Variants in LSAMP observed in about 807,000 individuals in gnomAD.
LSAMP encodes the protein limbic system associated membrane protein.
Under a neutral mutation model 38.6 loss-of-function variants are expected in LSAMP, and 7 were observed. That is an observed-to-expected ratio of 0.18 (90% CI 0.10 to 0.34). LSAMP has a LOEUF of 0.34. Ranked by LOEUF, LSAMP falls within the 10% of genes least tolerant of loss-of-function variation. The probability of loss-of-function intolerance (pLI) is 1.00; values close to 1 mark genes in which losing one functional copy is unlikely to be tolerated. For synonymous variants in LSAMP, 154 were observed against 166.8 expected (o/e 0.92, Z 0.59); for missense variants, 313 against 420.0 (o/e 0.75, Z 2.23).
intron 1 of LSAMP, among the ~76,000 whole-genome samples, chr3:116,269,861 G>A (rs2107668561): frequency 6.6e-6 from 1 of 152,202 alleles, no homozygotes; most frequent in Middle Eastern, 3.4e-3. Context: ...CAAAGAAACT[G>A]CCCAAACATT....
chr3:116,252,139 C>A (rs1036596955), intron 1 of LSAMP, among the ~76,000 whole-genome samples: 1 of 152,146 alleles, frequency 6.6e-6, no homozygotes, highest in African/African-American at 2.4e-5. Flanking sequence ...CATGGGAGAC[C>A]AAGGGGTCCC....
At chr3:116,305,294 A>G (rs529883412) in intron 1 of LSAMP, among the ~76,000 whole-genome samples, 1 of 152,140 alleles carries the variant, frequency 6.6e-6, no homozygotes, top group Non-Finnish European at 1.5e-5. Flanking sequence ...AATAGAAATG[A>G]GCAAGAGGAC....
Position 116,085,969 on chromosome 3 carries a change from G to C in LSAMP, c.388+355C>G, listed in dbSNP as rs573823168. The stretch of plus-strand genomic sequence containing the variant: ...TTTCTTAAACTCAGCAAAGCATCTG[G>C]TACCTAACAGGGTGGAAAAGTGTAC... On this transcript the variant is annotated intron_variant, in intron 2 of 6. Transcript: ENST00000490035. Among the ~76,000 whole-genome samples, 5 of 152,322 alleles carry C rather than the reference G, an allele frequency of 3.3e-5. No homozygotes were observed. In the East Asian group the frequency reaches 9.6e-4, roughly 29 times the overall value.
chr3:115,943,270 C>A (rs546977509), intron 3 of LSAMP, among the ~76,000 whole-genome samples: 1 of 152,198 alleles, frequency 6.6e-6, no homozygotes, highest in African/African-American at 2.4e-5. Flanking sequence ...TGGGTCTATT[C>A]TCATGTCTCC....
At chr3:115,983,816 A>G (rs1939433267) in intron 3 of LSAMP, among the ~76,000 whole-genome samples, 1 of 152,228 alleles carries the variant, frequency 6.6e-6, no homozygotes, top group Non-Finnish European at 1.5e-5. Context: ...GAGAACAGGC[A>G]AGAGATGAGT....
At chr3:115,852,887 C>G (rs1935377934) in intron 3 of LSAMP, among the ~76,000 whole-genome samples, 1 of 152,164 alleles carries the variant, frequency 6.6e-6, no homozygotes, top group Admixed American at 6.5e-5. Context: ...CAATGCCAAG[C>G]TAAGTCCCAC....
At chr3:116,238,041 A>C (rs1289043581) in intron 1 of LSAMP, among the ~76,000 whole-genome samples, 1 of 152,072 alleles carries the variant, frequency 6.6e-6, no homozygotes, top group East Asian at 1.9e-4. Flanking sequence ...CCCTTCCTCC[A>C]CCCAGTTGTG....
At chr3:116,088,073 A>G (rs2107424967) in intron 1 of LSAMP, among the ~76,000 whole-genome samples, 1 of 151,900 alleles carries the variant, frequency 6.6e-6, no homozygotes, top group Non-Finnish European at 1.5e-5. Flanking sequence ...TAAAAAAAAA[A>G]TTAGAGATGG....
intron 1 of LSAMP, among the ~76,000 whole-genome samples, chr3:116,274,331 A>C (rs2047018657): frequency 2.0e-5 from 3 of 152,212 alleles, no homozygotes; most frequent in Admixed American, 6.5e-5. Context: ...AGAATAAGTA[A>C]ATGACGGGAG....
chr3:115,810,265 T>C lies in LSAMP; in HGVS notation c.*52A>G. The C allele has an allele frequency of 8.2e-7, 1 of 1,217,628 alleles. No homozygotes were observed. The highest frequency in any genetic ancestry group is 1.2e-6 in the Non-Finnish European group (1 of 850,604). The allele number at this position is 1,217,628 out of a possible 1,614,324, so 75.4% of individuals were successfully genotyped here. A position where few individuals can be genotyped will look rare whatever the true frequency, so the allele number is the denominator to read the frequency against. On this transcript the variant is annotated 3_prime_UTR_variant, in exon 7 of 7. Transcript: ENST00000490035. Reference sequence around the variant, plus strand: ...TCTCTGTCTCTCTCTCTCTGTATTCTGTGTGACGCATTTTTGTGTGTTTTT... The same window carrying C: ...TCTCTGTCTCTCTCTCTCTGTATTCCGTGTGACGCATTTTTGTGTGTTTTT...
chr3:116,312,962 C>T (rs1237777772), intron 1 of LSAMP, among the ~76,000 whole-genome samples: 4 of 152,102 alleles, frequency 2.6e-5, no homozygotes, highest in East Asian at 1.9e-4. Context: ...AATGTCATTC[C>T]TCACCTTATT....
chr3:115,830,772 G>T (rs1156824073), intron 6 of LSAMP, among the ~76,000 whole-genome samples: 1 of 152,136 alleles, frequency 6.6e-6, no homozygotes. Context: ...CATGGGATAT[G>T]TTCAAAATTT....
At chr3:116,116,858 G>C (rs960945763) in intron 1 of LSAMP, among the ~76,000 whole-genome samples, 29 of 152,082 alleles carry the variant, frequency 1.9e-4, no homozygotes, top group African/African-American at 6.5e-4. Flanking sequence ...AGGTTCTCTG[G>C]CCAACAGTCC....
At chr3:116,157,387 C>T (rs114822589) in intron 1 of LSAMP, among the ~76,000 whole-genome samples, 1,557 of 152,206 alleles carry the variant, frequency 0.01, 30 homozygotes, top group African/African-American at 0.036. Flanking sequence ...CTCCTATGTT[C>T]ATTACTTTCT....
intron 3 of LSAMP, among the ~76,000 whole-genome samples, chr3:115,967,674 A>T (rs980660164): frequency 6.6e-6 from 1 of 152,166 alleles, no homozygotes. Context: ...GAGGCCTCAC[A>T]ATCATGGTGG....
intron 1 of LSAMP, among the ~76,000 whole-genome samples, chr3:116,272,312 T>G (rs747550686): frequency 3.9e-5 from 6 of 152,108 alleles, no homozygotes; most frequent in Non-Finnish European, 7.4e-5. Context: ...AAAATAACAA[T>G]GGACAACAAA....
At chr3:115,924,815 C>T (rs575256437) in intron 3 of LSAMP, among the ~76,000 whole-genome samples, 11 of 152,252 alleles carry the variant, frequency 7.2e-5, no homozygotes, top group African/African-American at 2.4e-4. Context: ...AACTAAAGTC[C>T]TCCTAAACAT....
chr3:115,901,283 G>A (rs1205799554), intron 3 of LSAMP, among the ~76,000 whole-genome samples: 1 of 152,024 alleles, frequency 6.6e-6, no homozygotes, highest in Non-Finnish European at 1.5e-5. Context: ...AGGAAGGCAT[G>A]TGAGGAGGTA....
At chr3:116,227,693 T>C (rs1001719183) in intron 1 of LSAMP, among the ~76,000 whole-genome samples, 2 of 152,022 alleles carry the variant, frequency 1.3e-5, no homozygotes, top group Non-Finnish European at 2.9e-5. Flanking sequence ...CCTGCCAATG[T>C]ATGGATGACT....
Sources: gnomAD v4.1 joint callset for allele counts (sites outside exome capture counted in the v4.1 genomes callset) on GRCh38, gnomAD v4.1.1 for gene constraint, MANE v1.5 for transcripts, NCBI Gene and HGNC (gene_info 2026-07-23, HGNC 2026-07-21) for gene names.